Variants in TXLNB observed in about 807,000 individuals in gnomAD.
TXLNB encodes taxilin beta, also known as beta-taxilin.
A neutral mutation model predicts 57.4 loss-of-function variants in TXLNB; 37 were observed. The observed-to-expected ratio is 0.64, with a 90% confidence interval of 0.50 to 0.85. The LOEUF (loss-of-function observed/expected upper bound fraction) is 0.85. Ranked by LOEUF, TXLNB falls within the 40% of genes least tolerant of loss-of-function variation. TXLNB has a pLI of 0.00. For synonymous variants in TXLNB, 302 were observed against 309.6 expected, an observed-to-expected ratio of 0.98 and a Z score of 0.26; for missense variants, 848 against 825.6, an observed-to-expected ratio of 1.03 and a Z score of -0.33.
chr6:139,253,246 G>C (rs73558601), intron 7 of TXLNB, among the ~76,000 whole-genome samples: 13,159 of 152,206 alleles, frequency 0.086, 624 homozygotes, highest in Middle Eastern at 0.11. Flanking sequence ...AAATGCTTTG[G>C]ATGCATGATT....
chr6:139,166,947 C>T, the TXLNB span: 2 of 1,614,044 alleles, frequency 1.2e-6, no homozygotes, highest in Admixed American at 1.7e-5. Flanking sequence ...AAGGCCATGG[C>T]TGGGGGCCAT....
At chr6:139,170,846 A>G in the TXLNB span, among the ~76,000 whole-genome samples, 2 of 152,156 alleles carry the variant, frequency 1.3e-5, no homozygotes, top group Non-Finnish European at 2.9e-5. Flanking sequence ...GGTGGGATCT[A>G]GAGACAGAGT....
chr6:139,209,712 C>A, the TXLNB span, among the ~76,000 whole-genome samples: 1 of 152,146 alleles, frequency 6.6e-6, no homozygotes, highest in Non-Finnish European at 1.5e-5. Context: ...ATACAAAAAT[C>A]AACTCAGGGT....
At chr6:139,216,830 A>G in the TXLNB span, among the ~76,000 whole-genome samples, 60 of 152,306 alleles carry the variant, frequency 3.9e-4, no homozygotes, top group South Asian at 1.7e-3. Flanking sequence ...ATGCAAAGGC[A>G]TAAGTATGAT....
the TXLNB span, among the ~76,000 whole-genome samples, chr6:139,212,663 A>G: frequency 6.6e-6 from 1 of 152,226 alleles, no homozygotes; most frequent in African/African-American, 2.4e-5. Context: ...TAAATGCTCC[A>G]ATTAAAAGGC....
intron 3 of TXLNB, chr6:139,271,399 A>C (rs1427908007): frequency 1.3e-5 from 2 of 152,144 alleles, no homozygotes; most frequent in East Asian, 1.9e-4. Flanking sequence ...GCCACAACTA[A>C]AGTACTGTAT....
intron 6 of TXLNB, among the ~76,000 whole-genome samples, chr6:139,256,368 C>T (rs575737068): frequency 3.4e-4 from 52 of 152,178 alleles, no homozygotes; most frequent in Middle Eastern, 3.4e-3. Context: ...TCTCTTTTGT[C>T]GCCCAGGCTG....
intron 2 of TXLNB, among the ~76,000 whole-genome samples, chr6:139,280,862 G>T (rs1777029864): frequency 6.6e-6 from 1 of 151,974 alleles, no homozygotes; most frequent in East Asian, 1.9e-4. Context: ...TCTTCTAATA[G>T]GATATGATTT....
intron 5 of TXLNB, among the ~76,000 whole-genome samples, chr6:139,260,966 G>A (rs1489831709): frequency 6.6e-6 from 1 of 152,168 alleles, no homozygotes; most frequent in Admixed American, 6.5e-5. Context: ...TGAGGCCTGA[G>A]CCCCCCTGAA....
chr6:139,191,692 C>G, the TXLNB span, among the ~76,000 whole-genome samples: 1 of 152,100 alleles, frequency 6.6e-6, no homozygotes, highest in African/African-American at 2.4e-5. Flanking sequence ...AATTTAGAAA[C>G]AATGTATGGA....
Position 139,242,676 on chromosome 6 carries a change from G to T in TXLNB, c.1905C>A (p.Cys635Ter), listed in dbSNP as rs144738388. ...KMEADVPAPA[C>*]AAEEHVAAMV... Reference sequence around the variant, plus strand: ...TGGCTGCAACGTGCTCTTCTGCTGCGCATGCTGGAGCAGGCACATCTGCCT... The same window carrying T: ...TGGCTGCAACGTGCTCTTCTGCTGCTCATGCTGGAGCAGGCACATCTGCCT... Residue 635 changes from cysteine (C) to a stop codon, truncating the protein, a stop_gained, in exon 10 of 10, where the codon TGC becomes TGA. Coordinates refer to ENST00000358430, the MANE Select transcript of TXLNB (RefSeq NM_153235.4). LOFTEE classifies it low-confidence loss of function (END_TRUNC). 4 of 1,610,650 alleles carry T rather than the reference G, an allele frequency of 2.5e-6. No homozygotes were observed. The highest frequency in any genetic ancestry group is 2.2e-5 in the East Asian group (1 of 44,864).
the TXLNB span, among the ~76,000 whole-genome samples, chr6:139,217,247 A>G: frequency 6.6e-6 from 1 of 150,522 alleles, no homozygotes; most frequent in Non-Finnish European, 1.5e-5. Context: ...GTACTTGAAA[A>G]CCTCCCTTTT....
chr6:139,258,316 C>G (rs1048847574), intron 6 of TXLNB, among the ~76,000 whole-genome samples: 22 of 152,228 alleles, frequency 1.4e-4, no homozygotes, highest in Admixed American at 9.8e-4. Flanking sequence ...TTGTCTTGTT[C>G]TTTCTCTTTC....
the TXLNB span, among the ~76,000 whole-genome samples, chr6:139,223,538 C>T: frequency 3.7e-4 from 57 of 152,158 alleles, no homozygotes; most frequent in Middle Eastern, 6.8e-3. Context: ...ATTTTCGCAA[C>T]CTACTCATCT....
Position 139,270,065 on chromosome 6 carries a change from CAAAAATGCTG to C in TXLNB, c.687+381_687+390del, listed in dbSNP as rs1479174329. Among the ~76,000 whole-genome samples, 33 of 152,182 alleles carry C rather than the reference CAAAAATGCTG, an allele frequency of 2.2e-4. No homozygotes were observed. The East Asian group carries it at 6.4e-3, about 29-fold the overall frequency. On this transcript the variant is annotated intron_variant, in intron 4 of 9. Transcript: ENST00000358430. ...TGTCATGCAGAATTCATTATAACAC[CAAAAATGCTG>C]AATCTTTACAAATGTATTTTTTTAA...
chr6:139,205,033 G>C, the TXLNB span, among the ~76,000 whole-genome samples: 3 of 152,152 alleles, frequency 2.0e-5, no homozygotes, highest in African/African-American at 7.2e-5. Flanking sequence ...CCTGCCCTGA[G>C]AGCTTAACAC....
rs1775957737 is a variant in TXLNB at position 139,242,500 on chromosome 6, A to G, written c.*26T>C. Reference sequence around the variant, plus strand: ...ATGCTGAATATGCAAAGAGGCAGGAAGAAGCCTCTGAAGGCACGGTGAGGC... The same window carrying G: ...ATGCTGAATATGCAAAGAGGCAGGAGGAAGCCTCTGAAGGCACGGTGAGGC... On this transcript the variant is annotated 3_prime_UTR_variant, in exon 10 of 10. Transcript: ENST00000358430. 2 of 1,464,322 alleles carry G rather than the reference A, an allele frequency of 1.4e-6. No individual in the cohort carries two copies. Among genetic ancestry groups the G allele is most frequent in the East Asian group, 4.9e-5 (2 of 40,544 alleles). The allele number at this position is 1,464,322 out of a possible 1,614,324, so 90.7% of individuals were successfully genotyped here.
chr6:139,231,581 C>T, the TXLNB span, among the ~76,000 whole-genome samples: 10 of 152,196 alleles, frequency 6.6e-5, no homozygotes, highest in African/African-American at 2.4e-4. Context: ...TTCTTGTCTC[C>T]TTTTTCTTGC....
At chr6:139,232,316 C>T in the TXLNB span, among the ~76,000 whole-genome samples, 1 of 152,104 alleles carries the variant, frequency 6.6e-6, no homozygotes, top group Non-Finnish European at 1.5e-5. Context: ...AAAAACTGCC[C>T]CCATGATTTA....
Sources: gnomAD v4.1 joint callset for allele counts (sites outside exome capture counted in the v4.1 genomes callset) on GRCh38, gnomAD v4.1.1 for gene constraint, MANE v1.5 for transcripts, NCBI Gene and HGNC (gene_info 2026-07-23, HGNC 2026-07-21) for gene names.